The following PAK5 variants were observed in gnomAD, a reference collection of about 807,000 sequenced individuals.
The protein encoded by PAK5 is serine/threonine-protein kinase PAK 5.
A neutral mutation model predicts 65.9 loss-of-function variants in PAK5; 16 were observed. The observed-to-expected ratio is 0.24, with a 90% CI of 0.16 to 0.37. The LOEUF is 0.37. Ranked by LOEUF, PAK5 falls within the 10% of genes least tolerant of loss-of-function variation. PAK5 has a pLI of 1.00. For missense variants in PAK5, 785 were observed against 903.9 expected, an observed-to-expected ratio of 0.87 and a Z score of 1.69; for synonymous variants, 371 against 354.9, an observed-to-expected ratio of 1.05 and a Z score of -0.51.
chr20:9,821,519 A>G (rs1186573469), intron 1 of PAK5, among the ~76,000 whole-genome samples: 1 of 152,208 alleles, frequency 6.6e-6, no homozygotes, highest in African/African-American at 2.4e-5. Context: ...ATATGACCTA[A>G]CTTTGGATCC....
intron 3 of PAK5, among the ~76,000 whole-genome samples, chr20:9,590,645 C>G (rs956075590): frequency 6.6e-6 from 1 of 151,694 alleles, no homozygotes; most frequent in African/African-American, 2.4e-5. Flanking sequence ...AGAAATAAGC[C>G]TCCCCAAAAG....
chr20:9,566,413 T>C (rs769993997), intron 4 of PAK5, 29 bp from the exon 5 acceptor site: 3 of 1,597,888 alleles, frequency 1.9e-6, no homozygotes, highest in African/African-American at 2.7e-5. Context: ...ATAGAGAATA[T>C]TCACATGCTG....
chr20:9,542,495 G>T, intron 9 of PAK5, 91 bp downstream of exon 9: 1 of 1,243,388 alleles, frequency 8.0e-7, no homozygotes, highest in Non-Finnish European at 1.2e-6. Context: ...GGATCTTCCT[G>T]CTGGATGTGG....
At chr20:9,598,477 T>G (rs930421656) in intron 3 of PAK5, among the ~76,000 whole-genome samples, 2 of 152,252 alleles carry the variant, frequency 1.3e-5, no homozygotes, top group African/African-American at 4.8e-5. Context: ...ATATACCTAG[T>G]AATGGGATTG....
rs145876033 is a variant in PAK5, at chr20:9,741,277, TA to T, written c.-161-29843del. On this transcript the variant is annotated intron_variant, in intron 1 of 9. Coordinates refer to ENST00000353224, the MANE Select transcript of PAK5 (RefSeq NM_177990.4). ...GGAAGAAACACAAGAAGAAGGGAAA[TA>T]AGAAGGGAACAAGACAATCCAATAC... Among the ~76,000 whole-genome samples the T allele has an allele frequency of 6.2e-3, 939 of 151,990 alleles. 10 individuals are homozygous for T. The highest frequency in any genetic ancestry group is 0.02 in the African/African-American group (831 of 41,470).
At chr20:9,711,890 G>C (rs998431426) in intron 1 of PAK5, among the ~76,000 whole-genome samples, 4 of 152,162 alleles carry the variant, frequency 2.6e-5, no homozygotes, top group African/African-American at 9.7e-5. Flanking sequence ...ACTGTTACTA[G>C]GAGAAATAGA....
chr20:9,658,679 A>ATGGTTC lies in PAK5; in HGVS notation c.-11-14341_-11-14340insGAACCA, dbSNP rs2047303062. Among the ~76,000 whole-genome samples the ATGGTTC allele has an allele frequency of 9.2e-5, 14 of 152,290 alleles. 1 individual carries two copies. In the South Asian group the frequency reaches 2.9e-3, roughly 32 times the overall value. ...GTGGCATGCTTCTAAGTGGTTAAAA[A>ATGGTTC]CTGGCTATGGAAAAAGGGTAAACAA... On this transcript the variant is annotated intron_variant, in intron 2 of 9. Transcript: ENST00000353224.
At chr20:9,540,260 A>G (rs2045239680) in intron 9 of PAK5, among the ~76,000 whole-genome samples, 1 of 152,126 alleles carries the variant, frequency 6.6e-6, no homozygotes, top group Non-Finnish European at 1.5e-5. Context: ...ACAAATACTA[A>G]GAGTGTGGCT....
chr20:9,725,803 A>T lies in PAK5; in HGVS notation c.-161-14368T>A, dbSNP rs900939627. ...TTAAAACTAGTCATTATATGAGTAA[A>T]TTTTAAATGCACTGATATGTTATAT... On this transcript the variant is annotated intron_variant, in intron 1 of 9. Transcript: ENST00000353224. Among the ~76,000 whole-genome samples, 8 of 152,162 alleles carry T rather than the reference A, an allele frequency of 5.3e-5. 1 individual carries two copies. In the South Asian group the frequency reaches 1.7e-3, roughly 31 times the overall value.
chr20:9,764,530 G>A (rs1160667937), intron 1 of PAK5, among the ~76,000 whole-genome samples: 1 of 152,082 alleles, frequency 6.6e-6, no homozygotes, highest in Non-Finnish European at 1.5e-5. Context: ...GCACCCTTTA[G>A]CCCAGTGGTT....
intron 4 of PAK5, among the ~76,000 whole-genome samples, chr20:9,574,630 C>T (rs73061756): frequency 0.09 from 13,632 of 152,094 alleles, 761 homozygotes; most frequent in East Asian, 0.24. Context: ...TTCATAATGA[C>T]CAAAATACAA....
At chr20:9,809,356 A>G (rs2049271515) in intron 1 of PAK5, among the ~76,000 whole-genome samples, 1 of 78,018 alleles carries the variant, frequency 1.3e-5, no homozygotes, top group African/African-American at 6.5e-5. Context: ...TTTTTTTGGC[A>G]GGCTCATCAT....
chr20:9,615,083 G>C (rs760976940), intron 3 of PAK5, among the ~76,000 whole-genome samples: 23 of 152,180 alleles, frequency 1.5e-4, no homozygotes, highest in Non-Finnish European at 3.4e-4. Flanking sequence ...TCTGAGAAAA[G>C]CTATGTAATA....
chr20:9,771,534 A>G (rs959864423), intron 1 of PAK5, among the ~76,000 whole-genome samples: 3 of 150,644 alleles, frequency 2.0e-5, no homozygotes, highest in African/African-American at 7.3e-5. Flanking sequence ...CAGCCTCCCA[A>G]GGAGCTGGGA....
intron 1 of PAK5, among the ~76,000 whole-genome samples, chr20:9,736,106 G>A (rs993741839): frequency 6.6e-6 from 1 of 151,734 alleles, no homozygotes; most frequent in Non-Finnish European, 1.5e-5. Flanking sequence ...TCTCTATGTT[G>A]GTCAGCCTGG....
At chr20:9,835,716 A>G (rs984760003) in intron 1 of PAK5, among the ~76,000 whole-genome samples, 1 of 152,106 alleles carries the variant, frequency 6.6e-6, no homozygotes. Context: ...TTAGAGATCT[A>G]TAGAGAAAAT....
chr20:9,729,702 A>C (rs1183213233), intron 1 of PAK5, among the ~76,000 whole-genome samples: 1 of 152,184 alleles, frequency 6.6e-6, no homozygotes, highest in African/African-American at 2.4e-5. Flanking sequence ...CCATGAAGTG[A>C]GAAAGAACTC....
At chr20:9,628,888 C>G (rs75455834) in intron 3 of PAK5, among the ~76,000 whole-genome samples, 14 of 152,312 alleles carry the variant, frequency 9.2e-5, no homozygotes, top group Non-Finnish European at 1.5e-4. Flanking sequence ...ACCAAGAAAG[C>G]TTGGAGTTGG....
At chr20:9,834,672 T>G (rs1295807965) in intron 1 of PAK5, among the ~76,000 whole-genome samples, 1 of 152,158 alleles carries the variant, frequency 6.6e-6, no homozygotes, top group African/African-American at 2.4e-5. Context: ...GTGCTCCTAG[T>G]AAGTGTGGGG....
Sources: gnomAD v4.1 joint callset for allele counts (sites outside exome capture counted in the v4.1 genomes callset) on GRCh38, gnomAD v4.1.1 for gene constraint, MANE v1.5 for transcripts, NCBI Gene and HGNC (gene_info 2026-07-23, HGNC 2026-07-21) for gene names.